MAF: variants seen among roughly 807,000 people sequenced by gnomAD.
MAF encodes MAF bZIP transcription factor, also known as transcription factor Maf.
Under a neutral mutation model 22.0 loss-of-function variants are expected in MAF, and 10 were observed. The observed-to-expected ratio is 0.45, with a 90% CI of 0.28 to 0.77. The LOEUF is 0.77. Among genes scored for constraint, MAF ranks in the 30% least tolerant of loss-of-function variants. MAF has a pLI of 0.12. For missense variants in MAF, 544 were observed against 548.4 expected, an observed-to-expected ratio of 0.99 and a Z score of 0.08; for synonymous variants, 337 against 255.8, an observed-to-expected ratio of 1.32 and a Z score of -3.03.
the MAF span, among the ~76,000 whole-genome samples, chr16:79,296,145 A>C: frequency 5.1e-4 from 78 of 152,366 alleles, no homozygotes; most frequent in Non-Finnish European, 1.0e-3. Flanking sequence ...GGATTATAGT[A>C]AATTCTTCCT....
At chr16:79,289,054 G>T in the MAF span, among the ~76,000 whole-genome samples, 1 of 152,216 alleles carries the variant, frequency 6.6e-6, no homozygotes, top group Non-Finnish European at 1.5e-5. Flanking sequence ...AGGAGACAGA[G>T]AAGCAAAGAT....
the MAF span, among the ~76,000 whole-genome samples, chr16:79,323,699 A>T: frequency 0.51 from 76,896 of 151,880 alleles, 21,471 homozygotes; most frequent in Non-Finnish European, 0.64. Flanking sequence ...AGTCTGTGCC[A>T]CTCCCTGGAG....
At chr16:79,456,796 CTCT>C in the MAF span, among the ~76,000 whole-genome samples, 3 of 152,146 alleles carry the variant, frequency 2.0e-5, no homozygotes, top group African/African-American at 7.2e-5. Context: ...CTGGAGTCTC[CTCT>C]TCTTTTTGGG....
the MAF span, among the ~76,000 whole-genome samples, chr16:79,269,357 A>G: frequency 9.2e-5 from 14 of 152,276 alleles, no homozygotes; most frequent in Middle Eastern, 3.4e-3. Flanking sequence ...TTGCAAATCC[A>G]GCCTGTAGGT....
chr16:79,540,993 C>A, the MAF span, among the ~76,000 whole-genome samples: 1 of 151,788 alleles, frequency 6.6e-6, no homozygotes, highest in Non-Finnish European at 1.5e-5. Context: ...ACGGTTACTA[C>A]AACTGCTATT....
the MAF span, among the ~76,000 whole-genome samples, chr16:79,400,849 A>C: frequency 3.9e-5 from 6 of 152,348 alleles, no homozygotes; most frequent in South Asian, 1.2e-3. Flanking sequence ...GAATGTTGAG[A>C]AATGGCCTGG....
chr16:79,280,729 G>T, the MAF span, among the ~76,000 whole-genome samples: 1 of 152,156 alleles, frequency 6.6e-6, no homozygotes, highest in Admixed American at 6.5e-5. Context: ...CCACTGTCTT[G>T]TCCAGCCCCT....
the MAF span, among the ~76,000 whole-genome samples, chr16:79,308,484 A>G: frequency 6.6e-6 from 1 of 151,948 alleles, no homozygotes; most frequent in African/African-American, 2.4e-5. Context: ...GTGAAAAGGT[A>G]TTTGCCCCCA....
At chr16:79,473,961 TG>T in the MAF span, among the ~76,000 whole-genome samples, 1 of 151,864 alleles carries the variant, frequency 6.6e-6, no homozygotes, top group African/African-American at 2.4e-5. Flanking sequence ...AGTGGTCGAG[TG>T]GGGAGGAATT....
At chr16:79,208,543 G>C in the MAF span, among the ~76,000 whole-genome samples, 1 of 152,128 alleles carries the variant, frequency 6.6e-6, no homozygotes, top group Admixed American at 6.5e-5. Flanking sequence ...CCTTTAGATG[G>C]CTCTTTCATC....
the MAF span, among the ~76,000 whole-genome samples, chr16:79,442,817 C>A: frequency 6.6e-6 from 1 of 152,192 alleles, no homozygotes; most frequent in Non-Finnish European, 1.5e-5. Context: ...GCAGAGGAAA[C>A]AGCTTCATTC....
the MAF span, among the ~76,000 whole-genome samples, chr16:79,482,841 ATCCCC>A: frequency 0.014 from 914 of 64,576 alleles, 20 homozygotes; most frequent in African/African-American, 0.059. Context: ...ACCCCCCTCC[ATCCCC>A]TCCCCTCCCC....
chr16:79,502,715 ATATATATATATAT>A, the MAF span, among the ~76,000 whole-genome samples: 5 of 41,210 alleles, frequency 1.2e-4, no homozygotes, highest in East Asian at 1.8e-3. Context: ...ATAAATATAT[ATATATATATATAT>A]ATATATATAT....
the MAF span, among the ~76,000 whole-genome samples, chr16:79,210,660 A>AAATT: frequency 6.6e-6 from 1 of 152,212 alleles, no homozygotes; most frequent in Non-Finnish European, 1.5e-5. Flanking sequence ...TATTGGTTTT[A>AAATT]AATTAGAGAC....
the MAF span, among the ~76,000 whole-genome samples, chr16:79,217,612 C>G: frequency 7.2e-5 from 11 of 152,076 alleles, no homozygotes; most frequent in African/African-American, 4.8e-5. Context: ...TCGCGCTCAT[C>G]TGATGCTACA....
chr16:79,395,093 G>C, the MAF span, among the ~76,000 whole-genome samples: 2 of 152,176 alleles, frequency 1.3e-5, no homozygotes, highest in Admixed American at 1.3e-4. Context: ...CAGGCGGAGA[G>C]AACGCAAGAG....
chr16:79,552,642 T>A, the MAF span, among the ~76,000 whole-genome samples: 1 of 152,182 alleles, frequency 6.6e-6, no homozygotes, highest in South Asian at 2.1e-4. Flanking sequence ...CTTGGGCCCC[T>A]CGGTGTTCAG....
At chr16:79,303,516 T>A in the MAF span, among the ~76,000 whole-genome samples, 1 of 152,206 alleles carries the variant, frequency 6.6e-6, no homozygotes, top group Admixed American at 6.5e-5. Flanking sequence ...ACCTTAGGCG[T>A]TGTCTCACAC....
the MAF span, among the ~76,000 whole-genome samples, chr16:79,454,113 A>C: frequency 2.0e-5 from 3 of 152,202 alleles, no homozygotes; most frequent in African/African-American, 7.2e-5. Flanking sequence ...TTTCATTTCT[A>C]TGATTCGTTC....
Sources: gnomAD v4.1 joint callset for allele counts (sites outside exome capture counted in the v4.1 genomes callset) on GRCh38, gnomAD v4.1.1 for gene constraint, MANE v1.5 for transcripts, NCBI Gene and HGNC (gene_info 2026-07-23, HGNC 2026-07-21) for gene names.